CNTNAP2: variants seen among roughly 807,000 people sequenced by gnomAD.
CNTNAP2 encodes the protein contactin-associated protein-like 2.
Under a neutral mutation model 155.2 loss-of-function variants are expected in CNTNAP2, and 98 were observed. The observed-to-expected ratio is 0.63, with a 90% confidence interval of 0.54 to 0.75. The LOEUF is 0.75. CNTNAP2 is among the 30% of genes least tolerant of loss of function. The pLI is 0.00. For missense variants in CNTNAP2, 1,727 were observed against 1,688.1 expected, an observed-to-expected ratio of 1.02 and a Z score of -0.40; for synonymous variants, 651 against 631.2, an observed-to-expected ratio of 1.03 and a Z score of -0.47.
intron 3 of CNTNAP2, among the ~76,000 whole-genome samples, chr7:146,991,329 T>G (rs1161567458): frequency 2.0e-5 from 3 of 152,088 alleles, no homozygotes; most frequent in Non-Finnish European, 2.9e-5. Flanking sequence ...TTAATTCAAA[T>G]GTAAAGGAAG....
chr7:146,456,514 C>T (rs1180541031), intron 1 of CNTNAP2, among the ~76,000 whole-genome samples: 1 of 152,164 alleles, frequency 6.6e-6, no homozygotes, highest in East Asian at 1.9e-4. Flanking sequence ...TGAAGTCTCA[C>T]AGATCCTTTC....
At chr7:147,545,519 G>C (rs999416469) in intron 11 of CNTNAP2, among the ~76,000 whole-genome samples, 3 of 152,060 alleles carry the variant, frequency 2.0e-5, no homozygotes, top group African/African-American at 7.2e-5. Context: ...CCCATGATTC[G>C]AATAGGTTAT....
intron 1 of CNTNAP2, among the ~76,000 whole-genome samples, chr7:146,737,682 T>A (rs929646465): frequency 6.6e-6 from 1 of 152,130 alleles, no homozygotes; most frequent in Non-Finnish European, 1.5e-5. Context: ...TTTTTTCATA[T>A]ACCTGTTGGC....
rs1480844131 is a variant in CNTNAP2, at chr7:147,775,349, TTATATATATTTATAAA to T, written c.2099-128206_2099-128191del. 5.3e-3 allele frequency among the ~76,000 whole-genome samples: 192 copies of T among 36,486 alleles called. 8 individuals carry two copies. Among genetic ancestry groups the T allele is most frequent in the African/African-American group, 0.04 (173 of 4,360 alleles). 23.9% of individuals were successfully genotyped at this position (36,486 alleles called of 152,430 possible). ...TATATATATTTATAAATATATATAT[TTATATATATTTATAAA>T]TATATATATATTTATATATATTTAT... is the stretch of plus-strand genomic sequence containing the variant. On this transcript the variant is annotated intron_variant, in intron 13 of 23. Transcript: ENST00000361727.
intron 5 of CNTNAP2, among the ~76,000 whole-genome samples, chr7:147,117,878 A>G (rs901531177): frequency 1.6e-4 from 25 of 152,206 alleles, no homozygotes; most frequent in Admixed American, 8.5e-4. Flanking sequence ...AACAAAGAAG[A>G]AAAGTCACAC....
At chr7:146,237,285 A>G (rs1194996449) in intron 1 of CNTNAP2, among the ~76,000 whole-genome samples, 1 of 152,192 alleles carries the variant, frequency 6.6e-6, no homozygotes, top group Non-Finnish European at 1.5e-5. Context: ...CTTTAAATGA[A>G]TAAATAGCAC....
chr7:147,713,659 G>T (rs1796436504), intron 13 of CNTNAP2, among the ~76,000 whole-genome samples: 1 of 152,120 alleles, frequency 6.6e-6, no homozygotes, highest in Non-Finnish European at 1.5e-5. Flanking sequence ...AAATGCCTGG[G>T]AGTGGGATTG....
rs573004268 is a variant in CNTNAP2, at chr7:147,046,210, C to A, written c.550+2156C>A. 4.6e-5 allele frequency among the ~76,000 whole-genome samples: 7 copies of A among 152,252 alleles called. No individual in the cohort carries two copies. In the South Asian group the frequency reaches 1.2e-3, roughly 27 times the overall value. ...GCAAAATAAGCACCCACCTGACCGT[C>A]CACAGTTTAATCAAAACATCATGTC... On this transcript the variant is annotated intron_variant, in intron 4 of 23. Transcript: ENST00000361727.
chr7:147,328,233 T>A (rs911396518), intron 9 of CNTNAP2, among the ~76,000 whole-genome samples: 20 of 152,194 alleles, frequency 1.3e-4, no homozygotes, highest in African/African-American at 4.8e-4. Flanking sequence ...AAAAAGAAAC[T>A]GGAATCCACG....
chr7:148,161,822 A>G (rs747432734), intron 17 of CNTNAP2, among the ~76,000 whole-genome samples: 2 of 152,216 alleles, frequency 1.3e-5, no homozygotes, highest in African/African-American at 2.4e-5. Flanking sequence ...TCTTGACATC[A>G]AAACACTCCA....
chr7:146,809,221 C>T (rs1803021370), intron 2 of CNTNAP2, among the ~76,000 whole-genome samples: 1 of 152,130 alleles, frequency 6.6e-6, no homozygotes, highest in Non-Finnish European at 1.5e-5. Flanking sequence ...TCTACAGCCT[C>T]CCAAACGTTG....
intron 18 of CNTNAP2, among the ~76,000 whole-genome samples, chr7:148,186,217 T>C (rs1365019689): frequency 6.6e-6 from 1 of 152,252 alleles, no homozygotes; most frequent in East Asian, 1.9e-4. Flanking sequence ...GATATTTTAT[T>C]AAACATTTCC....
In CNTNAP2 at chr7:147,770,990, G is replaced by A. The variant is rs79202165; in HGVS notation, c.2098+131684G>A. Among the ~76,000 whole-genome samples, 1,444 of 152,164 alleles carry A rather than the reference G, an allele frequency of 9.5e-3. 31 individuals carry two copies. Among genetic ancestry groups the A allele is most frequent in the African/African-American group, 0.032 (1,339 of 41,514 alleles). On this transcript the variant is annotated intron_variant, in intron 13 of 23. Transcript: ENST00000361727. ...AATCATAATGAAAGTGTAATTTGGC[G>A]TAAGAATAAACACATAAATTAATGG...
intron 3 of CNTNAP2, among the ~76,000 whole-genome samples, chr7:146,946,959 A>G (rs1797189910): frequency 1.3e-5 from 2 of 152,324 alleles, no homozygotes; most frequent in East Asian, 3.9e-4. Flanking sequence ...TTGTTCCTGT[A>G]GATTTAGACT....
At chr7:147,175,616 A>G (rs1054222697) in intron 8 of CNTNAP2, among the ~76,000 whole-genome samples, 1 of 152,170 alleles carries the variant, frequency 6.6e-6, no homozygotes, top group African/African-American at 2.4e-5. Flanking sequence ...AACTTCACAC[A>G]TCTATTTAAA....
chr7:147,153,122 G>A (rs970404505), intron 8 of CNTNAP2, among the ~76,000 whole-genome samples: 1 of 152,032 alleles, frequency 6.6e-6, no homozygotes, highest in African/African-American at 2.4e-5. Flanking sequence ...TCATTTGAGG[G>A]AAGCAGAGAC....
intron 1 of CNTNAP2, among the ~76,000 whole-genome samples, chr7:146,395,826 G>GATAGAA (rs1563068432): frequency 8.6e-6 from 1 of 116,770 alleles, no homozygotes; most frequent in South Asian, 2.9e-4. Context: ...GATAGATAGA[G>GATAGAA]GAGAGAGAGA....
At chr7:146,357,975 A>C (rs572944594) in intron 1 of CNTNAP2, among the ~76,000 whole-genome samples, 1 of 151,224 alleles carries the variant, frequency 6.6e-6, no homozygotes, top group Admixed American at 6.6e-5. Context: ...AAACTCAAAC[A>C]CCATACCATT....
intron 1 of CNTNAP2, among the ~76,000 whole-genome samples, chr7:146,618,860 A>G (rs1799270448): frequency 6.6e-6 from 1 of 152,114 alleles, no homozygotes. Context: ...ACCTGAGGTC[A>G]GGAGTTCAAG....
Sources: gnomAD v4.1 joint callset for allele counts (sites outside exome capture counted in the v4.1 genomes callset) on GRCh38, gnomAD v4.1.1 for gene constraint, MANE v1.5 for transcripts, NCBI Gene and HGNC (gene_info 2026-07-23, HGNC 2026-07-21) for gene names.